The following GMDS variants were observed in gnomAD, a reference collection of about 807,000 sequenced individuals.
The protein encoded by GMDS is GDP-mannose 4,6 dehydratase.
A neutral mutation model predicts 49.9 loss-of-function variants in GMDS; 20 were observed. That is an observed-to-expected ratio of 0.40 (90% CI 0.28 to 0.58). The LOEUF (loss-of-function observed/expected upper bound fraction) is 0.58, where lower values mean the gene tolerates loss of function less well. GMDS is among the 20% of genes least tolerant of loss of function. GMDS has a pLI of 0.42. For missense variants in GMDS, 362 were observed against 481.4 expected (o/e 0.75, Z 2.32); for synonymous variants, 177 against 178.6 (o/e 0.99, Z 0.07).
At chr6:2,207,753 T>C (rs1036670934) in intron 1 of GMDS, among the ~76,000 whole-genome samples, 14 of 151,878 alleles carry the variant, frequency 9.2e-5, no homozygotes, top group Non-Finnish European at 1.8e-4. Flanking sequence ...AGATCACCCC[T>C]TCCCCTCTGG....
chr6:1,671,775 C>T (rs1396598573), intron 9 of GMDS, among the ~76,000 whole-genome samples: 1 of 151,324 alleles, frequency 6.6e-6, no homozygotes, highest in Non-Finnish European at 1.5e-5. Context: ...ACTGATTCTC[C>T]TGCCTCAGCC....
intron 1 of GMDS, among the ~76,000 whole-genome samples, chr6:2,162,002 T>A (rs79342684): frequency 1.2e-4 from 18 of 152,318 alleles, no homozygotes; most frequent in Non-Finnish European, 2.2e-4. Flanking sequence ...TCTCTATGCA[T>A]GTTTTATACC....
intron 1 of GMDS, among the ~76,000 whole-genome samples, chr6:2,165,080 T>A (rs1005176602): frequency 6.6e-6 from 1 of 152,230 alleles, no homozygotes; most frequent in Non-Finnish European, 1.5e-5. Context: ...GTTATCAGCA[T>A]ATTTTAGTCT....
At chr6:2,000,010 T>TTTATATATATATATTATATATATATA (rs1561962120) in intron 4 of GMDS, among the ~76,000 whole-genome samples, 50 of 6,526 alleles carry the variant, frequency 7.7e-3, no homozygotes, top group South Asian at 0.039. Context: ...ATATATATAT[T>TTTATATATATATATTATATATATATA]TTTTATATAT....
intron 7 of GMDS, among the ~76,000 whole-genome samples, chr6:1,839,948 T>C (rs1046918699): frequency 9.2e-5 from 14 of 152,204 alleles, no homozygotes; most frequent in Admixed American, 3.9e-4. Context: ...ACTGTTTTCA[T>C]TTGTTTGAAA....
chr6:2,079,019 C>CTTTTTTTTTTT lies in GMDS; in HGVS notation c.345+36741_345+36751dup, dbSNP rs386405902. On this transcript the variant is annotated intron_variant, in intron 4 of 10. Coordinates refer to ENST00000380815, the MANE Select transcript of GMDS (RefSeq NM_001500.4). ...CTTTGTCATTGCATAATGACCTTGT[C>CTTTTTTTTTTT]TTTTTTTTTTTTTTTTTTTTTTTTT... 3.8e-4 allele frequency among the ~76,000 whole-genome samples: 13 copies of CTTTTTTTTTTT among 33,988 alleles called. 1 individual carries two copies. The highest frequency in any genetic ancestry group is 7.0e-4 in the Non-Finnish European group (10 of 14,200). 22.3% of individuals were successfully genotyped at this position (33,988 alleles called of 152,430 possible). A position where few individuals can be genotyped will look rare whatever the true frequency, so the allele number is the denominator to read the frequency against.
chr6:1,652,367 C>T (rs1441211296), intron 9 of GMDS, among the ~76,000 whole-genome samples: 7 of 5,586 alleles, frequency 1.3e-3, no homozygotes, highest in South Asian at 4.1e-3. Flanking sequence ...AGTGAAACTC[C>T]GCTAAAAAAA....
chr6:2,049,409 G>A (rs552225365), intron 4 of GMDS, among the ~76,000 whole-genome samples: 8 of 152,130 alleles, frequency 5.3e-5, no homozygotes, highest in Non-Finnish European at 1.2e-4. Context: ...CTCATTTGCT[G>A]TATCAGAAAG....
chr6:2,067,303 G>A lies in GMDS; in HGVS notation c.345+48468C>T, dbSNP rs955565115. ...AATTTATAGCACTAAATGCCCACAA[G>A]AGAAAGCAGGAAAGATCCAAAATTG... On this transcript the variant is annotated intron_variant, in intron 4 of 10. Coordinates refer to ENST00000380815, the MANE Select transcript of GMDS (RefSeq NM_001500.4). 2.6e-3 allele frequency among the ~76,000 whole-genome samples: 397 copies of A among 152,002 alleles called. 1 individual carries two copies. The highest frequency in any genetic ancestry group is 9.3e-3 in the African/African-American group (387 of 41,438).
intron 4 of GMDS, among the ~76,000 whole-genome samples, chr6:1,981,231 CA>C (rs58438955): frequency 0.015 from 2,023 of 133,188 alleles, 11 homozygotes; most frequent in Non-Finnish European, 0.018. Flanking sequence ...AAAAAACCTG[CA>C]AAAAAAAAAA....
chr6:2,066,200 T>C lies in GMDS; in HGVS notation c.345+49571A>G, dbSNP rs544700005. On this transcript the variant is annotated intron_variant, in intron 4 of 10. Transcript: ENST00000380815. The stretch of plus-strand genomic sequence containing the variant: ...CATAAGTGAAGGAGAAATAAAATAC[T>C]TTACAGACAAGCAAATGCTGAGATT... Among the ~76,000 whole-genome samples, 31 of 144,038 alleles carry C rather than the reference T, an allele frequency of 2.2e-4. 1 individual carries two copies. Among genetic ancestry groups the C allele is most frequent in the South Asian group, 1.1e-3 (5 of 4,498 alleles). 94.5% of individuals were successfully genotyped at this position (144,038 alleles called of 152,430 possible). A position where few individuals can be genotyped will look rare whatever the true frequency, so the allele number is the denominator to read the frequency against.
chr6:1,887,943 G>GT (rs879301536), intron 7 of GMDS, among the ~76,000 whole-genome samples: 20 of 151,726 alleles, frequency 1.3e-4, no homozygotes, highest in Admixed American at 3.3e-4. Flanking sequence ...TAGTTTTTAG[G>GT]TTTTTTTGTT....
At chr6:1,791,095 G>A (rs993946553) in intron 7 of GMDS, among the ~76,000 whole-genome samples, 1 of 152,132 alleles carries the variant, frequency 6.6e-6, no homozygotes, top group African/African-American at 2.4e-5. Flanking sequence ...AAATGCAGGT[G>A]GCCTCTAGAA....
At chr6:1,999,985 A>ATATATATAAAATAT (rs1766630810) in intron 4 of GMDS, among the ~76,000 whole-genome samples, 1 of 10,948 alleles carries the variant, frequency 9.1e-5, no homozygotes, top group Admixed American at 1.6e-3. Context: ...TATATATTTT[A>ATATATATAAAATAT]TATATATATA....
chr6:1,986,052 G>C (rs1765525463), intron 4 of GMDS, among the ~76,000 whole-genome samples: 1 of 152,160 alleles, frequency 6.6e-6, no homozygotes, highest in Non-Finnish European at 1.5e-5. Flanking sequence ...GGATGACCTA[G>C]AAAACTAGTG....
At chr6:2,032,183 G>T (rs903772222) in intron 4 of GMDS, among the ~76,000 whole-genome samples, 8 of 152,162 alleles carry the variant, frequency 5.3e-5, no homozygotes, top group Admixed American at 3.9e-4. Flanking sequence ...CATATACTGT[G>T]AACTGTTTTT....
Position 1,833,621 on chromosome 6 carries a change from C to T in GMDS, c.772-91035G>A, listed in dbSNP as rs1756782830. On this transcript the variant is annotated intron_variant, in intron 7 of 10. Transcript: ENST00000380815. This position sits in a 1 kb window ranked among gnomAD's most constrained non-coding sequence, Gnocchi z 4.4. ...AGAAATGTTTAGACTCATGACAAGTCTTTGTGCAGAAAACAAAACTTCACA... is the reference window on the plus strand; with the variant it reads ...AGAAATGTTTAGACTCATGACAAGTTTTTGTGCAGAAAACAAAACTTCACA... 6.6e-6 allele frequency among the ~76,000 whole-genome samples: 1 copy of T among 152,030 alleles called. No individual in the cohort carries two copies. The highest frequency in any genetic ancestry group is 2.4e-5 in the African/African-American group (1 of 41,396).
intron 7 of GMDS, among the ~76,000 whole-genome samples, chr6:1,745,693 G>A (rs968221295): frequency 2.0e-5 from 3 of 152,132 alleles, no homozygotes; most frequent in African/African-American, 7.2e-5. Context: ...AGTTCATATT[G>A]TACCAGACTC....
intron 4 of GMDS, among the ~76,000 whole-genome samples, chr6:2,041,888 A>C (rs1338559032): frequency 6.6e-6 from 1 of 152,214 alleles, no homozygotes; most frequent in Non-Finnish European, 1.5e-5. Flanking sequence ...TAAAAAGAAG[A>C]TATGTGTCCA....
Sources: gnomAD v4.1 joint callset for allele counts (sites outside exome capture counted in the v4.1 genomes callset) on GRCh38, gnomAD v4.1.1 for gene constraint, Gnocchi (gnomAD v3.1) non-coding constraint, MANE v1.5 for transcripts, NCBI Gene and HGNC (gene_info 2026-07-23, HGNC 2026-07-21) for gene names.